Variants in FMN1 observed in about 807,000 individuals in gnomAD.
FMN1 encodes formin 1.
Under a neutral mutation model 132.4 loss-of-function variants are expected in FMN1, and 110 were observed. That is an observed-to-expected ratio of 0.83 (90% CI 0.71 to 0.97). The LOEUF is 0.97. Among genes scored for constraint, FMN1 ranks in the 50% least tolerant of loss-of-function variants. The pLI is 0.00. For missense variants in FMN1, 1,792 were observed against 1,705.3 expected, an observed-to-expected ratio of 1.05 and a Z score of -0.90; for synonymous variants, 722 against 651.7, an observed-to-expected ratio of 1.11 and a Z score of -1.64.
intron 6 of FMN1, among the ~76,000 whole-genome samples, chr15:33,029,646 G>A (rs768452672): frequency 1.7e-4 from 26 of 152,182 alleles, no homozygotes; most frequent in South Asian, 2.1e-4. Flanking sequence ...GCTATAGAAG[G>A]CAATGGGGTA....
At chr15:32,844,549 T>C (rs1389443120) in intron 17 of FMN1, among the ~76,000 whole-genome samples, 2 of 152,222 alleles carry the variant, frequency 1.3e-5, no homozygotes, top group Non-Finnish European at 2.9e-5. Context: ...TCTACTTACC[T>C]TTTATTCTAA....
rs145240587 is a variant in FMN1, at chr15:32,925,166, A to T, written c.3226+1008T>A. On this transcript the variant is annotated intron_variant, in intron 10 of 20. Coordinates refer to ENST00000616417, the MANE Select transcript of FMN1 (RefSeq NM_001277313.2). ...CATTTTGAAAACGAAAGGATGAAGAAACAATGACGTAACCAAATGAAGGAA... is the reference window on the plus strand; with the variant it reads ...CATTTTGAAAACGAAAGGATGAAGATACAATGACGTAACCAAATGAAGGAA... 9.1e-4 allele frequency among the ~76,000 whole-genome samples: 138 copies of T among 152,342 alleles called. 1 individual carries two copies. Among genetic ancestry groups the T allele is most frequent in the African/African-American group, 3.2e-3 (134 of 41,590 alleles).
chr15:32,995,058 T>G (rs2033681803), intron 7 of FMN1, among the ~76,000 whole-genome samples: 1 of 152,056 alleles, frequency 6.6e-6, no homozygotes, highest in Non-Finnish European at 1.5e-5. Context: ...GTGGAATGAC[T>G]CCTAAAGTAA....
At chr15:32,847,280 G>A (rs766401849) in intron 17 of FMN1, among the ~76,000 whole-genome samples, 18 of 93,312 alleles carry the variant, frequency 1.9e-4, no homozygotes, top group Non-Finnish European at 3.7e-4. Flanking sequence ...AGGGGTGTGT[G>A]TGTGTGTATG....
At chr15:33,112,725 A>G (rs1595498097) in intron 4 of FMN1, among the ~76,000 whole-genome samples, 1 of 152,290 alleles carries the variant, frequency 6.6e-6, no homozygotes, top group East Asian at 1.9e-4. Context: ...ACGGCTGCCC[A>G]ATCAACAGAA....
intron 17 of FMN1, among the ~76,000 whole-genome samples, chr15:32,854,233 C>T (rs1278847890): frequency 6.6e-6 from 1 of 152,004 alleles, no homozygotes; most frequent in Non-Finnish European, 1.5e-5. Flanking sequence ...CGTGTTTTAC[C>T]CTCATAAGAC....
intron 6 of FMN1, among the ~76,000 whole-genome samples, chr15:33,039,756 C>CT (rs5811725): frequency 0.39 from 59,319 of 151,950 alleles, 11,947 homozygotes; most frequent in Admixed American, 0.48. Flanking sequence ...TTTATTATCT[C>CT]TGATTCCATT....
chr15:33,020,956 G>A (rs558262428), intron 6 of FMN1, among the ~76,000 whole-genome samples: 16 of 152,258 alleles, frequency 1.1e-4, no homozygotes, highest in African/African-American at 3.6e-4. Flanking sequence ...TTCTTTTTGG[G>A]CAATGGAGAA....
chr15:32,916,549 G>C (rs1312516298), intron 10 of FMN1, among the ~76,000 whole-genome samples: 4 of 152,194 alleles, frequency 2.6e-5, no homozygotes, highest in Admixed American at 2.6e-4. Context: ...AGATGCCACA[G>C]GTAGGTAGGG....
rs794726894 is a variant in FMN1, at chr15:33,067,831, T to C, written c.2044-2757A>G. The stretch of plus-strand genomic sequence containing the variant: ...GAGCCACTTCAAGTCCGGCTTCTGG[T>C]TTTGCTGGTTCTGACACATCACTGC... On this transcript the variant is annotated intron_variant, in intron 5 of 20. Transcript: ENST00000616417. 4.3e-6 allele frequency: 7 copies of C among 1,613,812 alleles called. No homozygotes were observed. The highest frequency in any genetic ancestry group is 5.9e-6 in the Non-Finnish European group (7 of 1,179,874).
intron 3 of FMN1, among the ~76,000 whole-genome samples, chr15:33,161,200 A>G (rs1964875883): frequency 6.6e-6 from 1 of 152,184 alleles, no homozygotes. Flanking sequence ...AATTTTTATT[A>G]GTTCAGTCAA....
In FMN1 at chr15:32,930,996, G is replaced by A. The variant is rs544498220; in HGVS notation, c.3139-4735C>T. Among the ~76,000 whole-genome samples, 7 of 152,124 alleles carry A rather than the reference G, an allele frequency of 4.6e-5. No individual in the cohort carries two copies. In the East Asian group the frequency reaches 1.2e-3, roughly 25 times the overall value. On this transcript the variant is annotated intron_variant, in intron 9 of 20. Coordinates refer to ENST00000616417, the MANE Select transcript of FMN1 (RefSeq NM_001277313.2). Reference sequence around the variant, plus strand: ...TTGGCACCCTTGTCAAAGAACATTTGCCTGTATATGCTTGGGTTTATTTCT... The same window carrying A: ...TTGGCACCCTTGTCAAAGAACATTTACCTGTATATGCTTGGGTTTATTTCT...
chr15:32,957,302 T>TTTTTG (rs568567619), intron 9 of FMN1, among the ~76,000 whole-genome samples: 4 of 136,442 alleles, frequency 2.9e-5, no homozygotes, highest in South Asian at 2.7e-4. Flanking sequence ...GCAGTTCTTT[T>TTTTTG]TTTTTTTTTT....
At chr15:32,994,203 G>A (rs556266540) in intron 7 of FMN1, among the ~76,000 whole-genome samples, 1 of 115,318 alleles carries the variant, frequency 8.7e-6, no homozygotes, top group East Asian at 3.0e-4. Flanking sequence ...TTGTTGAATA[G>A]AACTCATTCC....
chr15:32,877,687 A>C (rs998082133), intron 16 of FMN1, among the ~76,000 whole-genome samples: 4 of 152,170 alleles, frequency 2.6e-5, no homozygotes, highest in African/African-American at 9.7e-5. Flanking sequence ...TGGGTGAGGA[A>C]CCCACTACTG....
Position 32,907,409 on chromosome 15 carries a change from T to C in FMN1, c.3377+1081A>G, listed in dbSNP as rs543475184. On this transcript the variant is annotated intron_variant, in intron 12 of 20. Coordinates refer to ENST00000616417, the MANE Select transcript of FMN1 (RefSeq NM_001277313.2). ...GTTCACAATAGGGTTTGTGCTCCTA[T>C]GAGAATCTGATGCTGCTGCTGATCT... Among the ~76,000 whole-genome samples, 45 of 152,178 alleles carry C rather than the reference T, an allele frequency of 3.0e-4. 2 individuals are homozygous for C. In the South Asian group the frequency reaches 7.5e-3, roughly 25 times the overall value.
At chr15:32,957,312 T>G (rs2029905792) in intron 9 of FMN1, among the ~76,000 whole-genome samples, 2 of 145,734 alleles carry the variant, frequency 1.4e-5, no homozygotes, top group South Asian at 4.5e-4. Flanking sequence ...TTTTTTTTTT[T>G]TTTTTTTTTT....
intron 7 of FMN1, among the ~76,000 whole-genome samples, chr15:32,988,050 T>TG (rs1053895022): frequency 1.4e-4 from 1 of 7,294 alleles, no homozygotes; most frequent in African/African-American, 3.1e-4. Flanking sequence ...GTCTCTCCAG[T>TG]TTTTTTTTTT....
chr15:32,845,114 A>G (rs1295375826), intron 17 of FMN1, among the ~76,000 whole-genome samples: 1 of 152,250 alleles, frequency 6.6e-6, no homozygotes, highest in Non-Finnish European at 1.5e-5. Context: ...GAAGAAGACA[A>G]TAACTGTATA....
Sources: gnomAD v4.1 joint callset for allele counts (sites outside exome capture counted in the v4.1 genomes callset) on GRCh38, gnomAD v4.1.1 for gene constraint, MANE v1.5 for transcripts, NCBI Gene and HGNC (gene_info 2026-07-23, HGNC 2026-07-21) for gene names.